NSUN2: variants seen among roughly 807,000 people sequenced by gnomAD.
NSUN2 encodes NOP2/Sun RNA methyltransferase 2.
A neutral mutation model predicts 92.7 loss-of-function variants in NSUN2; 63 were observed. That is an observed-to-expected ratio of 0.68 (90% CI 0.56 to 0.84). NSUN2 has a LOEUF of 0.84. NSUN2 is among the 40% of genes least tolerant of loss of function. NSUN2 has a pLI of 0.00. For missense variants in NSUN2, 989 were observed against 964.9 expected (o/e 1.02, Z -0.33); for synonymous variants, 356 against 348.3 (o/e 1.02, Z -0.25).
intron 3 of NSUN2, among the ~76,000 whole-genome samples, chr5:6,628,214 G>A (rs368048600): frequency 4.6e-5 from 7 of 152,178 alleles, no homozygotes; most frequent in East Asian, 1.9e-4. Context: ...TGGGTATGGT[G>A]ATGGGGGCAT....
intron 9 of NSUN2, among the ~76,000 whole-genome samples, chr5:6,615,795 T>C (rs540651145): frequency 3.3e-5 from 5 of 152,256 alleles, no homozygotes; most frequent in African/African-American, 4.8e-5. Flanking sequence ...TTTCTCATTA[T>C]TGGCTCTAAG....
Position 6,616,847 on chromosome 5 carries a change from G to C in NSUN2, c.901C>G (p.Arg301Gly). 1.2e-6 allele frequency: 2 copies of C among 1,612,778 alleles called. No homozygotes were observed. The highest frequency in any genetic ancestry group is 1.7e-6 in the Non-Finnish European group (2 of 1,179,344). The change falls in exon 9 of 19, where the codon CGG (arginine) becomes GGG (glycine). Residue 301 changes from arginine to glycine, a missense_variant. Arg to Gly is a moderately radical substitution (Grantham distance 125). This residue lies in a region of NSUN2 where 626 missense variants were observed against 602.3 expected (regional missense o/e 1.04). Coordinates refer to ENST00000264670, the MANE Select transcript of NSUN2 (RefSeq NM_017755.6). ...TGTTCAGCCCCGCGTGTTGCAATCCGCAGCTGTAAGCTAAGGGGAGATATC... is the reference window on the plus strand; with the variant it reads ...TGTTCAGCCCCGCGTGTTGCAATCCCCAGCTGTAAGCTAAGGGGAGATATC... ...NSLQLHGLQL[R>G]IATRGAEQLA...
rs1222134646 is a variant in NSUN2 at position 6,622,507 on chromosome 5, C to T, written c.538-407G>A. On this transcript the variant is annotated intron_variant, in intron 5 of 18. Coordinates refer to ENST00000264670, the MANE Select transcript of NSUN2 (RefSeq NM_017755.6). ...AAAATGGAGATGGTGACAGTATCTG[C>T]CCTTAGAGGGTTGTGTGAATGATAA... Among the ~76,000 whole-genome samples the T allele has an allele frequency of 1.1e-4, 16 of 152,260 alleles. No homozygotes were observed. The South Asian group carries it at 1.9e-3, about 18-fold the overall frequency.
At chr5:6,628,724 A>C (rs1384123355) in intron 3 of NSUN2, among the ~76,000 whole-genome samples, 1 of 152,196 alleles carries the variant, frequency 6.6e-6, no homozygotes, top group Non-Finnish European at 1.5e-5. Flanking sequence ...TGAATAAATA[A>C]ATGTTTAGAG....
intron 7 of NSUN2, among the ~76,000 whole-genome samples, chr5:6,619,697 G>C (rs1388563875): frequency 3.3e-5 from 5 of 152,160 alleles, no homozygotes. Flanking sequence ...ATGTGATTAC[G>C]TATTATTTTA....
chr5:6,611,837 A>G (rs775950794), intron 9 of NSUN2, 39 bp from the exon 10 acceptor site: 2 of 1,553,156 alleles, frequency 1.3e-6, no homozygotes, highest in South Asian at 2.2e-5. Flanking sequence ...GTTTTTCAAA[A>G]AAGTATTAAC....
At chr5:6,630,948 G>A (rs1334401930) in intron 3 of NSUN2, among the ~76,000 whole-genome samples, 1 of 152,056 alleles carries the variant, frequency 6.6e-6, no homozygotes, top group Non-Finnish European at 1.5e-5. Flanking sequence ...AAAAAAATTG[G>A]CCGGGCGTGG....
At chr5:6,626,842 T>C (rs1002353371) in intron 3 of NSUN2, among the ~76,000 whole-genome samples, 35 of 152,208 alleles carry the variant, frequency 2.3e-4, no homozygotes, top group Admixed American at 2.0e-4. Context: ...AATTTAACAA[T>C]GCAGGCTCAC....
At chr5:6,625,322 G>A (rs1230430470) in intron 4 of NSUN2, among the ~76,000 whole-genome samples, 1 of 152,092 alleles carries the variant, frequency 6.6e-6, no homozygotes, top group Non-Finnish European at 1.5e-5. Context: ...CAAGCAAGAG[G>A]AAACAAGAAA....
chr5:6,612,071 G>A (rs779165766), intron 9 of NSUN2, among the ~76,000 whole-genome samples: 1 of 152,158 alleles, frequency 6.6e-6, no homozygotes, highest in Non-Finnish European at 1.5e-5. Context: ...GTGGTAAGGC[G>A]CTGCCAACTG....
chr5:6,624,173 T>C (rs187536906), intron 4 of NSUN2, among the ~76,000 whole-genome samples: 3 of 152,338 alleles, frequency 2.0e-5, no homozygotes, highest in East Asian at 3.9e-4. Flanking sequence ...ATTCACTCAC[T>C]AGGCACACTG....
At chr5:6,603,134 T>C (rs1042426302) in intron 17 of NSUN2, among the ~76,000 whole-genome samples, 8 of 152,124 alleles carry the variant, frequency 5.3e-5, no homozygotes, top group African/African-American at 1.9e-4. Context: ...AAACAGCAAG[T>C]TATTTAAAAA....
At chr5:6,616,949 G>T in intron 8 of NSUN2, 92 bp from the exon 9 acceptor site, 1 of 1,152,536 alleles carries the variant, frequency 8.7e-7, no homozygotes, top group South Asian at 2.1e-5. Context: ...TTCATTACAA[G>T]CTTTTATAAC....
At chr5:6,617,824 G>A in intron 8 of NSUN2, 126 bp downstream of exon 8, 6 of 587,920 alleles carry the variant, frequency 1.0e-5, no homozygotes, top group Non-Finnish European at 5.8e-6. Flanking sequence ...ACAGTTGAAG[G>A]TGGCCATTGA....
intron 3 of NSUN2, among the ~76,000 whole-genome samples, 168 bp from the exon 4 acceptor site, chr5:6,625,837 T>C (rs1456296101): frequency 6.6e-6 from 1 of 152,198 alleles, no homozygotes; most frequent in Non-Finnish European, 1.5e-5. Context: ...GATGTCGCTG[T>C]AGGCTTAAGG....
In NSUN2 at chr5:6,616,738, T is replaced by C. The variant is rs758250936; in HGVS notation, c.1010A>G (p.Glu337Gly). The change falls in exon 9 of 19, where the codon GAA becomes GGA. Residue 337 changes from glutamate to glycine, a missense_variant. Coordinates refer to ENST00000264670, the MANE Select transcript of NSUN2 (RefSeq NM_017755.6). ...EDEAVIASLLEKSEGALELAD... is the reference protein window; with the variant it reads ...EDEAVIASLLGKSEGALELAD... ...TCAAGCGTGCTTACCTTCACTTTTT[T>C]CCAGTAAAGATGCTATGACTGCTTC... 110 of 1,442,446 alleles carry C rather than the reference T, an allele frequency of 7.6e-5. 1 individual carries two copies. The highest frequency in any genetic ancestry group is 9.8e-5 in the Non-Finnish European group (107 of 1,091,728). The allele number at this position is 1,442,446 out of a possible 1,614,324, so 89.4% of individuals were successfully genotyped here.
At position 6,620,230 on chromosome 5, in the gene NSUN2, G is replaced by C; in HGVS notation, c.691C>G (p.Leu231Val). The C allele has an allele frequency of 6.2e-7, 1 of 1,612,778 alleles. No individual in the cohort carries two copies. Among genetic ancestry groups the C allele is most frequent in the Non-Finnish European group, 8.5e-7 (1 of 1,179,520 alleles). The change falls in exon 7 of 19, where the codon CTG becomes GTG. Residue 231 changes from leucine to valine, a missense_variant. By Grantham distance (32) the Leu-to-Val change is conservative. This residue lies in a region of NSUN2 where 356 missense variants were observed against 338.6 expected (regional missense o/e 1.05). Coordinates refer to ENST00000264670, the MANE Select transcript of NSUN2 (RefSeq NM_017755.6). ...ACCACCATGATGCAGGGGCTGCTCA[G>C]CCTCTTGGCTTGATGGACGAGCAGG... is the stretch of plus-strand genomic sequence containing the variant. ...CYLLVHQAKR[L>V]SSPCIMVVNH...
At chr5:6,630,765 G>A (rs764436464) in intron 3 of NSUN2, among the ~76,000 whole-genome samples, 3 of 152,188 alleles carry the variant, frequency 2.0e-5, no homozygotes, top group East Asian at 1.9e-4. Flanking sequence ...ATAACACTAC[G>A]TACTGGAATA....
chr5:6,602,170 A>C (rs1472522383), intron 18 of NSUN2, among the ~76,000 whole-genome samples: 1 of 152,090 alleles, frequency 6.6e-6, no homozygotes, highest in East Asian at 1.9e-4. Flanking sequence ...TACTCTGTAC[A>C]AGACAGAAAT....
Sources: gnomAD v4.1 joint callset for allele counts (sites outside exome capture counted in the v4.1 genomes callset) on GRCh38, gnomAD v4.1.1 for gene constraint, gnomAD v4.1.1 regional missense constraint, MANE v1.5 for transcripts, NCBI Gene and HGNC (gene_info 2026-07-23, HGNC 2026-07-21) for gene names.